Variants in SGSM2 observed in about 807,000 individuals in gnomAD.
The protein encoded by SGSM2 is small G protein signaling modulator 2.
SGSM2 carries 89 observed loss-of-function variants against 126.6 expected under a neutral mutation model. That is an observed-to-expected ratio of 0.70 (90% CI 0.59 to 0.84). SGSM2 has a LOEUF of 0.84. Among genes scored for constraint, SGSM2 ranks in the 40% least tolerant of loss-of-function variants. The probability of loss-of-function intolerance (pLI) is 0.00; values close to 1 mark genes in which losing one functional copy is unlikely to be tolerated. For missense variants in SGSM2, 1,404 were observed against 1,416.6 expected (o/e 0.99, Z 0.14); for synonymous variants, 614 against 574.3 (o/e 1.07, Z -0.99).
rs766607849 is a variant in SGSM2, at chr17:2,362,168, C to T, written c.356C>T (p.Ala119Val). The change falls in exon 4 of 24, where the codon GCC (alanine) becomes GTC (valine). Residue 119 changes from alanine (A) to valine (V), a missense_variant. Transcript: ENST00000268989. The surrounding 1 kb of genome is among the most constrained non-coding windows in gnomAD (Gnocchi z 4.9). ...LRRQGSASGK[A>V]PALSPQALKH... is the part of the protein sequence containing the mutation. ...AGACAGGGCTCAGCCAGCGGGAAGG[C>T]CCCGGCCCTCAGCCCTCAGGCCTTG... is the stretch of plus-strand genomic sequence containing the variant. 1.9e-6 allele frequency: 3 copies of T among 1,613,906 alleles called. No individual in the cohort carries two copies. Among genetic ancestry groups the T allele is most frequent in the Non-Finnish European group, 2.5e-6 (3 of 1,180,010 alleles).
rs1298034940 is a variant in SGSM2 at position 2,364,054 on chromosome 17, T to C, written c.808-5T>C. 6 of 1,613,828 alleles carry C rather than the reference T, an allele frequency of 3.7e-6. No individual in the cohort carries two copies. The highest frequency in any genetic ancestry group is 8.5e-7 in the Non-Finnish European group (1 of 1,179,974). On this transcript the variant is annotated splice_region_variant and splice_polypyrimidine_tract_variant and intron_variant, in intron 7 of 23. Coordinates refer to ENST00000268989, the MANE Select transcript of SGSM2 (RefSeq NM_014853.3). ...TCGTCGGTCTTCCGGTGTCTCCCGC[T>C]GTAGAAGGAGGATATGGAGGCGGTC...
At chr17:2,378,482 G>A (rs1422787462) in intron 22 of SGSM2, among the ~76,000 whole-genome samples, 2 of 150,762 alleles carry the variant, frequency 1.3e-5, no homozygotes, top group African/African-American at 4.9e-5. Context: ...GGTGAGCTGA[G>A]ATTGTGCCAC....
rs566375995 is a variant in SGSM2, at chr17:2,369,973, G to A, written c.1424-1289G>A. ...AGGGCCAGATATCTGCAAAACTCCC[G>A]GCCGTGGGTCTGGGAAGAGAGCCCC... is the stretch of plus-strand genomic sequence containing the variant. On this transcript the variant is annotated intron_variant, in intron 12 of 23. Coordinates refer to ENST00000268989, the MANE Select transcript of SGSM2 (RefSeq NM_014853.3). Among the ~76,000 whole-genome samples, 8 of 152,266 alleles carry A rather than the reference G, an allele frequency of 5.3e-5. No individual in the cohort carries two copies. The South Asian group carries it at 6.2e-4, about 12-fold the overall frequency.
chr17:2,375,669 G>A lies in SGSM2; in HGVS notation c.2278G>A (p.Val760Met), dbSNP rs373544203. 9 of 1,613,950 alleles carry A rather than the reference G, an allele frequency of 5.6e-6. 1 individual carries two copies. Among genetic ancestry groups the A allele is most frequent in the South Asian group, 5.5e-5 (5 of 91,086 alleles). Residue 760 changes from valine (V) to methionine (M), a missense_variant, in exon 18 of 24, where the codon GTG becomes ATG. By Grantham distance (21) the Val-to-Met change is conservative. Transcript: ENST00000268989. ...SGLPSSRNYS[V>M]ASGIQSSLDE... is the part of the protein sequence containing the mutation. Reference sequence around the variant, plus strand: ...ACTGCCCTCCTCTCGCAATTACTCCGTGGCCTCGGGCATCCAGTCAAGCCT... The same window carrying A: ...ACTGCCCTCCTCTCGCAATTACTCCATGGCCTCGGGCATCCAGTCAAGCCT...
intron 13 of SGSM2, chr17:2,371,806 C>T: frequency 2.6e-6 from 1 of 385,656 alleles, no homozygotes; most frequent in Non-Finnish European, 4.7e-6. Flanking sequence ...ACTCAGCAGC[C>T]ACCTGCCGTG....
At position 2,379,434 on chromosome 17, in the gene SGSM2, C is replaced by G; in HGVS notation, c.3070C>G (p.Arg1024Gly). The G allele has an allele frequency of 6.2e-7, 1 of 1,612,298 alleles. No homozygotes were observed. Among genetic ancestry groups the G allele is most frequent in the East Asian group, 2.2e-5 (1 of 44,812 alleles). Residue 1024 changes from arginine (R) to glycine (G), a missense_variant and splice_region_variant, in exon 24 of 24, where the codon CGT becomes GGT. By Grantham distance (125) the Arg-to-Gly change is moderately radical. Coordinates refer to ENST00000268989, the MANE Select transcript of SGSM2 (RefSeq NM_014853.3). ...CAGCTCTTCACGTTTCCCCCCAGAA[C>G]GTGCTGAGCATCACGATGCCCAGGA... ...FTDIIKFFNE[R>G]AEHHDAQEIL...
chr17:2,380,537 C>T lies in SGSM2; in HGVS notation c.*1017C>T, dbSNP rs1331236445. On this transcript the variant is annotated 3_prime_UTR_variant, in exon 24 of 24. Transcript: ENST00000268989. The stretch of plus-strand genomic sequence containing the variant: ...CAAGGCTAGCTCTGCCTTCCACATG[C>T]TTCTCAGGATGCCAAGAGGCCTAGG... The T allele has an allele frequency of 8.6e-6, 5 of 580,308 alleles. No individual in the cohort carries two copies. The highest frequency in any genetic ancestry group is 1.5e-5 in the Non-Finnish European group (5 of 324,888). The allele number at this position is 580,308 out of a possible 1,614,324, so 35.9% of individuals were successfully genotyped here.
At chr17:2,378,539 AAAAAG>A (rs913254210) in intron 22 of SGSM2, among the ~76,000 whole-genome samples, 22 of 151,938 alleles carry the variant, frequency 1.4e-4, no homozygotes, top group East Asian at 3.9e-4. Flanking sequence ...TCAAAAAAAA[AAAAAG>A]AAAAGAAAAG....
intron 12 of SGSM2, among the ~76,000 whole-genome samples, 191 bp from the exon 13 acceptor site, chr17:2,371,070 AG>A (rs1196993959): frequency 3.8e-4 from 58 of 152,192 alleles, no homozygotes; most frequent in African/African-American, 1.1e-3. Flanking sequence ...GCTGGAGGCT[AG>A]GAAGTGTCAG....
intron 1 of SGSM2, among the ~76,000 whole-genome samples, chr17:2,342,378 C>T (rs1362984706): frequency 4.0e-5 from 6 of 151,562 alleles, no homozygotes; most frequent in Non-Finnish European, 8.8e-5. Flanking sequence ...GAGCTGAGAA[C>T]GCGCCACTTC....
chr17:2,375,947 G>A (rs1428017512), intron 18 of SGSM2, 72 bp downstream of exon 18: 5 of 1,511,240 alleles, frequency 3.3e-6, no homozygotes, highest in Admixed American at 2.2e-5. Context: ...CTGGGGAAGC[G>A]CTGGTGGGGT....
rs1301660137 is a variant in SGSM2 at position 2,364,000 on chromosome 17, G to A, written c.808-59G>A. 1.9e-6 allele frequency: 3 copies of A among 1,610,788 alleles called. No individual in the cohort carries two copies. Among genetic ancestry groups the A allele is most frequent in the African/African-American group, 1.3e-5 (1 of 74,850 alleles). On this transcript the variant is annotated intron_variant, in intron 7 of 23. Transcript: ENST00000268989. The surrounding 1 kb of genome is among the most constrained non-coding windows in gnomAD (Gnocchi z 4.2). Reference sequence around the variant, plus strand: ...CCCAGCGGGAGCTCATTTCTCATAGGCCATCCCTGAGAGCCTCTCAGCCCT... The same window carrying A: ...CCCAGCGGGAGCTCATTTCTCATAGACCATCCCTGAGAGCCTCTCAGCCCT...
intron 2 of SGSM2, among the ~76,000 whole-genome samples, chr17:2,350,499 G>A (rs2447087): frequency 0.54 from 81,512 of 151,350 alleles, 22,485 homozygotes; most frequent in East Asian, 0.75. Flanking sequence ...AATTCCAACT[G>A]CTGGGGAGGC....
chr17:2,344,081 T>G (rs2064489249), intron 2 of SGSM2, among the ~76,000 whole-genome samples: 1 of 152,104 alleles, frequency 6.6e-6, no homozygotes, highest in Admixed American at 6.6e-5. Context: ...TTCCCACCCG[T>G]GTTGCTCCAT....
At chr17:2,346,686 G>C (rs530711509) in intron 2 of SGSM2, among the ~76,000 whole-genome samples, 1 of 152,116 alleles carries the variant, frequency 6.6e-6, no homozygotes, top group African/African-American at 2.4e-5. Flanking sequence ...GCGGCAGCAG[G>C]GGGGTGGGTG....
At position 2,337,824 on chromosome 17, in the gene SGSM2, C is replaced by A; in HGVS notation, c.57+79C>A. 8.7e-7 allele frequency: 1 copy of A among 1,154,588 alleles called. No homozygotes were observed. The highest frequency in any genetic ancestry group is 1.2e-6 in the Non-Finnish European group (1 of 868,690). 71.5% of individuals were successfully genotyped at this position (1,154,588 alleles called of 1,614,324 possible). A position where few individuals can be genotyped will look rare whatever the true frequency, so the allele number is the denominator to read the frequency against. On this transcript the variant is annotated intron_variant, in intron 1 of 23. Transcript: ENST00000268989. The surrounding 1 kb of genome is among the most constrained non-coding windows in gnomAD (Gnocchi z 5.1). ...GGGGGCAGAAAGGTCCGCGCCCACC[C>A]CCCGGCGCGGGCACCCGGGCCGAAC...
At chr17:2,343,053 C>G (rs2064447274) in intron 1 of SGSM2, among the ~76,000 whole-genome samples, 1 of 152,166 alleles carries the variant, frequency 6.6e-6, no homozygotes, top group African/African-American at 2.4e-5. Context: ...CATCAGAGTT[C>G]TAGACCCTAG....
intron 2 of SGSM2, among the ~76,000 whole-genome samples, chr17:2,354,338 G>T (rs145897004): frequency 6.6e-6 from 1 of 152,144 alleles, no homozygotes; most frequent in African/African-American, 2.4e-5. Flanking sequence ...GTGAGCCACC[G>T]CGCCCAGCCA....
chr17:2,346,019 C>T (rs2064584511), intron 2 of SGSM2, among the ~76,000 whole-genome samples: 1 of 152,144 alleles, frequency 6.6e-6, no homozygotes, highest in Admixed American at 6.5e-5. Flanking sequence ...AAAACACCAC[C>T]CCTCTCTGCC....
Sources: gnomAD v4.1 joint callset for allele counts (sites outside exome capture counted in the v4.1 genomes callset) on GRCh38, gnomAD v4.1.1 for gene constraint, Gnocchi (gnomAD v3.1) non-coding constraint, MANE v1.5 for transcripts, NCBI Gene and HGNC (gene_info 2026-07-23, HGNC 2026-07-21) for gene names.